PLXNA4: variants seen among roughly 807,000 people sequenced by gnomAD.
The protein encoded by PLXNA4 is plexin-A4.
In PLXNA4, 44 loss-of-function variants were observed where a neutral mutation model predicts 191.8. The ratio of observed to expected loss-of-function variants is 0.23; its 90% CI spans 0.18 to 0.29. The LOEUF is 0.29. PLXNA4 is among the 10% of genes least tolerant of loss of function. PLXNA4 has a pLI of 1.00. For synonymous variants in PLXNA4, 1,082 were observed against 1,009.5 expected, an observed-to-expected ratio of 1.07 and a Z score of -1.36; for missense variants, 1,800 against 2,488.8, an observed-to-expected ratio of 0.72 and a Z score of 5.89.
intron 3 of PLXNA4, among the ~76,000 whole-genome samples, chr7:132,353,674 G>T (rs1013319049): frequency 6.6e-5 from 10 of 152,106 alleles, no homozygotes; most frequent in African/African-American, 2.4e-4. Flanking sequence ...TTTCATCCCT[G>T]CATTAGCTTC....
rs116278598 is a variant in PLXNA4, at chr7:132,584,539, G to A, written c.-87+61389C>T. ...ATACATCCATACCACAGAACATGGT[G>A]CAGATGTAAAACAAAATGAAAACAA... On this transcript the variant is annotated intron_variant, in intron 2 of 4. Coordinates refer to the PLXNA4 transcript ENST00000378539. Among the ~76,000 whole-genome samples the A allele has an allele frequency of 3.3e-3, 507 of 152,308 alleles. 4 individuals carry two copies. The highest frequency in any genetic ancestry group is 0.012 in the African/African-American group (484 of 41,572).
chr7:132,148,119 G>C, intron 26 of PLXNA4, 120 bp from the exon 27 acceptor site: 1 of 1,441,866 alleles, frequency 6.9e-7, no homozygotes, highest in South Asian at 1.3e-5. Flanking sequence ...AGAACTAGGG[G>C]ACTTTGGAGG....
intron 30 of PLXNA4, among the ~76,000 whole-genome samples, chr7:132,133,714 C>T (rs1795034787): frequency 6.6e-6 from 1 of 152,182 alleles, no homozygotes; most frequent in Admixed American, 6.5e-5. Context: ...CTGTCACTTG[C>T]AGCTGTGCAC....
intron 4 of PLXNA4, among the ~76,000 whole-genome samples, chr7:132,254,535 G>A (rs568687426): frequency 2.0e-5 from 3 of 152,304 alleles, no homozygotes; most frequent in African/African-American, 4.8e-5. Flanking sequence ...GCAGTATTAG[G>A]TGACGATTAA....
chr7:132,524,523 C>T (rs1320186330), intron 1 of PLXNA4, among the ~76,000 whole-genome samples: 2 of 152,176 alleles, frequency 1.3e-5, no homozygotes, highest in African/African-American at 2.4e-5. Flanking sequence ...GGGCTAAAGG[C>T]CAGCCTGAAG....
chr7:132,242,660 C>T lies in PLXNA4; in HGVS notation c.1504-1494G>A, dbSNP rs542777190. On this transcript the variant is annotated intron_variant, in intron 4 of 31. Transcript: ENST00000321063. ...TTTTAGCTTACCTCTCCCATTCTGA[C>T]GGCAGTGACCTTGACCTTGGTGGCC... 1.7e-3 allele frequency among the ~76,000 whole-genome samples: 261 copies of T among 152,284 alleles called. 2 individuals are homozygous for T. Among genetic ancestry groups the T allele is most frequent in the African/African-American group, 6.0e-3 (249 of 41,564 alleles).
At chr7:132,215,596 C>T (rs10156075) in intron 9 of PLXNA4, among the ~76,000 whole-genome samples, 28,386 of 151,946 alleles carry the variant, frequency 0.19, 3,626 homozygotes, top group East Asian at 0.42. Flanking sequence ...GGTATGTTGC[C>T]AGAGGATCCA....
chr7:132,324,227 G>T (rs946349809), intron 3 of PLXNA4, among the ~76,000 whole-genome samples: 11 of 152,138 alleles, frequency 7.2e-5, no homozygotes, highest in African/African-American at 2.7e-4. Context: ...AAGGGAGAAT[G>T]GGAGAGGAAA....
At chr7:132,491,529 C>T (rs576811936) in intron 2 of PLXNA4, among the ~76,000 whole-genome samples, 1 of 152,132 alleles carries the variant, frequency 6.6e-6, no homozygotes, top group Non-Finnish European at 1.5e-5. Flanking sequence ...GAGCAGGCCA[C>T]GTGTAGAGCA....
chr7:132,433,273 ATGTCACCTTT>A (rs930553191), intron 3 of PLXNA4, among the ~76,000 whole-genome samples: 2 of 152,294 alleles, frequency 1.3e-5, no homozygotes, highest in African/African-American at 4.8e-5. Context: ...CACTGGTTTG[ATGTCACCTTT>A]TGTCACAGTA....
At chr7:132,403,059 G>C (rs866070507) in intron 3 of PLXNA4, among the ~76,000 whole-genome samples, 1 of 152,342 alleles carries the variant, frequency 6.6e-6, no homozygotes, top group Middle Eastern at 3.4e-3. Context: ...CTCTCTGTGT[G>C]GTTCAGAGCC....
chr7:132,252,445 G>A (rs888810228), intron 4 of PLXNA4, among the ~76,000 whole-genome samples: 4 of 151,132 alleles, frequency 2.6e-5, no homozygotes, highest in African/African-American at 9.7e-5. Flanking sequence ...CTGAGTAGCT[G>A]GGACTACAGG....
intron 1 of PLXNA4, among the ~76,000 whole-genome samples, chr7:132,570,889 C>T (rs1230144236): frequency 1.3e-5 from 2 of 152,130 alleles, no homozygotes; most frequent in Non-Finnish European, 2.9e-5. Flanking sequence ...TGAGATCTCT[C>T]CAACACCTGT....
At chr7:132,456,971 T>C (rs748730523) in intron 3 of PLXNA4, among the ~76,000 whole-genome samples, 19 of 152,212 alleles carry the variant, frequency 1.2e-4, no homozygotes, top group Non-Finnish European at 2.5e-4. Context: ...CTGCCAACAC[T>C]GAACCCTGTC....
intron 4 of PLXNA4, among the ~76,000 whole-genome samples, chr7:132,284,804 T>C (rs1431777891): frequency 6.6e-6 from 1 of 152,184 alleles, no homozygotes; most frequent in South Asian, 2.1e-4. Flanking sequence ...AACCTCCCCC[T>C]TCCAGGTTCA....
At chr7:132,301,435 C>G (rs1333157043) in intron 3 of PLXNA4, among the ~76,000 whole-genome samples, 11 of 152,094 alleles carry the variant, frequency 7.2e-5, no homozygotes, top group Non-Finnish European at 1.6e-4. Context: ...ATTTAAATCT[C>G]AGAACTCAGT....
At position 132,168,378 on chromosome 7, in the gene PLXNA4, C is replaced by G; in HGVS notation, c.4212G>C (p.Val1404=). The G allele has an allele frequency of 6.2e-7, 1 of 1,611,308 alleles. No individual in the cohort carries two copies. The highest frequency in any genetic ancestry group is 8.5e-7 in the Non-Finnish European group (1 of 1,178,264). ...LQSKLEYATD[V]LKQLLADLID... ...TGAGGTCGGCCAGCAGCTGCTTCAG[C>G]ACATCAGTGGCGTACTCCAGCTTGC... is the stretch of plus-strand genomic sequence containing the variant. Residue 1404 remains valine, a synonymous_variant, in exon 22 of 32, where the codon GTG becomes GTC. Transcript: ENST00000321063.
chr7:132,561,280 T>G (rs2116636345), intron 1 of PLXNA4, among the ~76,000 whole-genome samples: 1 of 150,860 alleles, frequency 6.6e-6, no homozygotes, highest in Non-Finnish European at 1.5e-5. Context: ...ATGCCCCTCT[T>G]CCTCCTCCTC....
chr7:132,313,419 G>A (rs935378492), intron 3 of PLXNA4, among the ~76,000 whole-genome samples: 1 of 152,124 alleles, frequency 6.6e-6, no homozygotes, highest in Non-Finnish European at 1.5e-5. Flanking sequence ...GACAGTAAAG[G>A]ACTATGATTC....
Sources: gnomAD v4.1 joint callset for allele counts (sites outside exome capture counted in the v4.1 genomes callset) on GRCh38, gnomAD v4.1.1 for gene constraint, MANE v1.5 for transcripts, NCBI Gene and HGNC (gene_info 2026-07-23, HGNC 2026-07-21) for gene names.